ZDHHC15: variants seen among roughly 807,000 people sequenced by gnomAD.
The protein encoded by ZDHHC15 is zDHHC palmitoyltransferase 15, also known as palmitoyltransferase ZDHHC15.
In ZDHHC15, 19 loss-of-function variants were observed where a neutral mutation model predicts 31.7. The ratio of observed to expected loss-of-function variants is 0.60; its 90% CI spans 0.42 to 0.88. The LOEUF (loss-of-function observed/expected upper bound fraction) is 0.88, where lower values mean the gene tolerates loss of function less well. Among genes scored for constraint, ZDHHC15 ranks in the 40% least tolerant of loss-of-function variants. The probability of loss-of-function intolerance (pLI) is 0.00; values close to 1 mark genes in which losing one functional copy is unlikely to be tolerated. For missense variants in ZDHHC15, 209 were observed against 251.2 expected, an observed-to-expected ratio of 0.83 and a Z score of 1.14; for synonymous variants, 103 against 90.0, an observed-to-expected ratio of 1.14 and a Z score of -0.82.
At chrX:75,388,976 A>G (rs113322720) in intron 10 of ZDHHC15, among the ~76,000 whole-genome samples, 1 of 111,653 alleles carries the variant, frequency 9.0e-6, no homozygotes, top group South Asian at 3.8e-4. Context: ...GACAGTCTTG[A>G]ATTGCCTACA....
At chrX:75,398,017 G>C (rs1364883263) in intron 10 of ZDHHC15, among the ~76,000 whole-genome samples, 1 of 112,066 alleles carries the variant, frequency 8.9e-6, no homozygotes, top group African/African-American at 3.2e-5. Context: ...AGTAGCTGCA[G>C]CTCCCACAAA....
At chrX:75,429,817 C>T in intron 6 of ZDHHC15, 131 bp downstream of exon 6, 1 of 616,966 alleles carries the variant, frequency 1.6e-6, no homozygotes, top group Non-Finnish European at 2.4e-6. Flanking sequence ...CTCCCCTGTC[C>T]CCTACAGAAA....
At chrX:75,426,404 A>G (rs764097731) in intron 7 of ZDHHC15, among the ~76,000 whole-genome samples, 1 of 110,140 alleles carries the variant, frequency 9.1e-6, no homozygotes, top group African/African-American at 3.3e-5. Flanking sequence ...CTCCCAAAGC[A>G]TATCTACTGT....
rs192054001 is a variant in ZDHHC15 at position 75,385,607 on chromosome X, C to A, written c.968-6409G>T. On this transcript the variant is annotated intron_variant, in intron 10 of 11. Transcript: ENST00000373367. ...TTCTCTTATTTTAATGAGTTCCCATCTATTCCCTTACTGCCCAAAATTTCT... is the reference window on the plus strand; with the variant it reads ...TTCTCTTATTTTAATGAGTTCCCATATATTCCCTTACTGCCCAAAATTTCT... Among the ~76,000 whole-genome samples the A allele has an allele frequency of 7.5e-4, 84 of 111,628 alleles. No individual in the cohort carries two copies. The East Asian group carries it at 0.016, about 22-fold the overall frequency.
Position 75,451,473 on chromosome X carries a change from G to A in ZDHHC15, c.259-551C>T, listed in dbSNP as rs183033399. Among the ~76,000 whole-genome samples, 707 of 111,936 alleles carry A rather than the reference G, an allele frequency of 6.3e-3. 5 individuals carry two copies. The highest frequency in any genetic ancestry group is 8.6e-3 in the Non-Finnish European group (455 of 53,108). On this transcript the variant is annotated intron_variant, in intron 3 of 11. Transcript: ENST00000373367. The stretch of plus-strand genomic sequence containing the variant: ...CACTATTGAATACTTTTTTAGTCTC[G>A]TATGGAGCTTGTTGCCACAATAGTG...
chrX:75,442,856 G>T (rs1165760231), intron 4 of ZDHHC15, among the ~76,000 whole-genome samples: 1 of 107,886 alleles, frequency 9.3e-6, no homozygotes, highest in Non-Finnish European at 1.9e-5. Context: ...CACGGTGGCG[G>T]GCGCCTGTAG....
At chrX:75,505,110 T>C (rs1240122933) in intron 2 of ZDHHC15, among the ~76,000 whole-genome samples, 1 of 111,499 alleles carries the variant, frequency 9.0e-6, no homozygotes, top group Non-Finnish European at 1.9e-5. Flanking sequence ...CTTGCCTCTA[T>C]AGCCAATGCC....
intron 9 of ZDHHC15, among the ~76,000 whole-genome samples, chrX:75,418,676 T>C (rs941872613): frequency 2.7e-5 from 3 of 111,787 alleles, no homozygotes; most frequent in Non-Finnish European, 5.6e-5. Flanking sequence ...TCTACAACCA[T>C]CTGACCTTTG....
intron 11 of ZDHHC15, 120 bp downstream of exon 11, chrX:75,379,000 G>T: frequency 1.9e-6 from 1 of 520,690 alleles, no homozygotes; most frequent in Non-Finnish European, 3.1e-6. Context: ...CATTACAAGA[G>T]TGAAGAATTT....
At chrX:75,429,308 T>G in intron 6 of ZDHHC15, 110 bp from the exon 7 acceptor site, 1 of 964,150 alleles carries the variant, frequency 1.0e-6, no homozygotes, top group Non-Finnish European at 1.4e-6. Context: ...CTTCATTATG[T>G]GTCGTGTAAA....
intron 1 of ZDHHC15, among the ~76,000 whole-genome samples, chrX:75,518,796 TATATATATATAC>T (rs1308519515): frequency 1.1e-4 from 3 of 26,815 alleles, no homozygotes; most frequent in African/African-American, 3.3e-4. Flanking sequence ...TATATATATA[TATATATATATAC>T]ACACACACAC....
Position 75,371,782 on chromosome X carries a change from A to G in ZDHHC15, c.*1196T>C, listed in dbSNP as rs1252289235. The G allele has an allele frequency of 8.9e-6, 1 of 112,135 alleles. No individual in the cohort carries two copies. The highest frequency in any genetic ancestry group is 1.9e-5 in the Non-Finnish European group (1 of 53,249). 9.2% of individuals were successfully genotyped at this position (112,135 alleles called of 1,213,427 possible). On this transcript the variant is annotated 3_prime_UTR_variant, in exon 12 of 12. Coordinates refer to ENST00000373367, the MANE Select transcript of ZDHHC15 (RefSeq NM_144969.3). ...GATATTATTATTGTAAAGAATCAGT[A>G]CTAGTATTCTCACTCATTGATTCAG...
At chrX:75,504,555 C>T (rs1291738515) in intron 2 of ZDHHC15, among the ~76,000 whole-genome samples, 3 of 110,799 alleles carry the variant, frequency 2.7e-5, no homozygotes, top group Non-Finnish European at 5.7e-5. Flanking sequence ...AATTCCTAAG[C>T]TCCAGATCAT....
chrX:75,505,896 TGA>T (rs761788572), intron 1 of ZDHHC15, 49 bp from the exon 2 acceptor site: 10,019 of 924,818 alleles, frequency 0.011, no homozygotes, highest in Non-Finnish European at 0.012. Flanking sequence ...CAGAGATGGA[TGA>T]GAGAGAGAGA....
chrX:75,375,544 T>C (rs2083051390), intron 11 of ZDHHC15, among the ~76,000 whole-genome samples: 1 of 111,478 alleles, frequency 9.0e-6, no homozygotes. Context: ...AGGTAGTTTT[T>C]CAACCCACCC....
chrX:75,432,887 G>A (rs951912279), intron 4 of ZDHHC15, among the ~76,000 whole-genome samples: 1 of 111,286 alleles, frequency 9.0e-6, no homozygotes, highest in African/African-American at 3.3e-5. Flanking sequence ...GGGAGGCCGA[G>A]GCGGGAGGAT....
intron 2 of ZDHHC15, among the ~76,000 whole-genome samples, chrX:75,490,054 G>T (rs941191531): frequency 1.8e-5 from 2 of 111,549 alleles, no homozygotes; most frequent in East Asian, 5.7e-4. Context: ...AAGAATAAAA[G>T]AAACGAACAA....
intron 2 of ZDHHC15, among the ~76,000 whole-genome samples, chrX:75,497,933 C>CAT (rs137952564): frequency 1.1e-5 from 1 of 87,844 alleles, no homozygotes; most frequent in Non-Finnish European, 2.2e-5. Context: ...AGGATGCCCA[C>CAT]TTTTTTTTTT....
intron 2 of ZDHHC15, among the ~76,000 whole-genome samples, chrX:75,494,219 G>C (rs1396914247): frequency 1.8e-5 from 2 of 110,943 alleles, no homozygotes; most frequent in East Asian, 2.8e-4. Context: ...AGGAATCCAA[G>C]TTACAAGGGA....
Sources: gnomAD v4.1 joint callset for allele counts (sites outside exome capture counted in the v4.1 genomes callset) on GRCh38, gnomAD v4.1.1 for gene constraint, MANE v1.5 for transcripts, NCBI Gene and HGNC (gene_info 2026-07-23, HGNC 2026-07-21) for gene names.